The following RYR2 variants were observed in gnomAD, a reference collection of about 807,000 sequenced individuals.
RYR2 encodes cardiac muscle ryanodine receptor-calcium release channel.
In RYR2, 227 loss-of-function variants were observed where a neutral mutation model predicts 601.1. The observed-to-expected ratio is 0.38, with a 90% CI of 0.34 to 0.42. The LOEUF (loss-of-function observed/expected upper bound fraction) is 0.42. Ranked by LOEUF, RYR2 falls within the 10% of genes least tolerant of loss-of-function variation. The probability of loss-of-function intolerance (pLI) is 1.00; values close to 1 mark genes in which losing one functional copy is unlikely to be tolerated. For missense variants in RYR2, 4,646 were observed against 6,156.5 expected (o/e 0.75, Z 8.21); for synonymous variants, 2,223 against 2,175.1 (o/e 1.02, Z -0.61).
At chr1:237,410,268 T>C (rs546565676) in intron 10 of RYR2, among the ~76,000 whole-genome samples, 1 of 152,186 alleles carries the variant, frequency 6.6e-6, no homozygotes, top group East Asian at 1.9e-4. Flanking sequence ...ATAAGCCAAG[T>C]GCTCTGAAGC....
In RYR2 at chr1:237,792,349, CTGTGTGTGTGTGTGTGTG is replaced by C. The variant is rs34337859; in HGVS notation, c.13782+41_13782+58del. ...GTAAGATAGTAAGGCACCAAGGTAC[CTGTGTGTGTGTGTGTGTG>C]TGTGTGTGTGTGTGCGTGTGTGTGT... On this transcript the variant is annotated intron_variant, in intron 94 of 104. Transcript: ENST00000366574. 118 of 705,956 alleles carry C rather than the reference CTGTGTGTGTGTGTGTGTG, an allele frequency of 1.7e-4. No homozygotes were observed. In the African/African-American group the frequency reaches 1.7e-3, roughly 10 times the overall value. 43.7% of individuals were successfully genotyped at this position (705,956 alleles called of 1,614,324 possible).
At chr1:237,661,310 C>CAG (rs1271796786) in intron 56 of RYR2, among the ~76,000 whole-genome samples, 1 of 151,672 alleles carries the variant, frequency 6.6e-6, no homozygotes, top group Non-Finnish European at 1.5e-5. Flanking sequence ...AACACATGGA[C>CAG]AGAGGAAGGG....
At chr1:237,570,985 G>A (rs1306633233) in intron 29 of RYR2, among the ~76,000 whole-genome samples, 1 of 152,110 alleles carries the variant, frequency 6.6e-6, no homozygotes, top group African/African-American at 2.4e-5. Flanking sequence ...AAATTAGCCA[G>A]TTGTGGTGGC....
intron 40 of RYR2, among the ~76,000 whole-genome samples, chr1:237,626,580 C>CTTTTT (rs60885998): frequency 0.021 from 864 of 40,232 alleles, 72 homozygotes; most frequent in Middle Eastern, 0.071. Context: ...TTTTCTTTTT[C>CTTTTT]TTTTTTTTTT....
At chr1:237,689,405 A>G (rs1159596573) in intron 63 of RYR2, among the ~76,000 whole-genome samples, 2 of 152,172 alleles carry the variant, frequency 1.3e-5, no homozygotes, top group Non-Finnish European at 1.5e-5. Context: ...AATTATAACC[A>G]TCTCCAGAGG....
rs374856150 is a variant in RYR2 at position 237,581,990 on chromosome 1, T to C, written c.3599-7803T>C. On this transcript the variant is annotated intron_variant, in intron 29 of 104. Transcript: ENST00000366574. The stretch of plus-strand genomic sequence containing the variant: ...AAATAAAAACACAAATTAGAGATGA[T>C]CTCTTCTTGTCTAGTTCAGTTCTAA... Among the ~76,000 whole-genome samples, 4 of 152,342 alleles carry C rather than the reference T, an allele frequency of 2.6e-5. No individual in the cohort carries two copies. In the East Asian group the frequency reaches 7.7e-4, roughly 29 times the overall value.
intron 71 of RYR2, among the ~76,000 whole-genome samples, chr1:237,715,473 G>A (rs1689195438): frequency 6.6e-6 from 1 of 152,154 alleles, no homozygotes; most frequent in Non-Finnish European, 1.5e-5. Context: ...TATTGTTTGT[G>A]TATAAGTAGG....
At chr1:237,267,168 G>T (rs745599437) in intron 1 of RYR2, among the ~76,000 whole-genome samples, 1 of 152,246 alleles carries the variant, frequency 6.6e-6, no homozygotes, top group Non-Finnish European at 1.5e-5. Flanking sequence ...TTTAATATTT[G>T]ACTGTTAAAG....
rs116723501 is a variant in RYR2 at position 237,358,121 on chromosome 1, G to A, written c.294+2136G>A. 7.8e-4 allele frequency among the ~76,000 whole-genome samples: 119 copies of A among 152,138 alleles called. 1 individual carries two copies. Among genetic ancestry groups the A allele is most frequent in the Non-Finnish European group, 1.3e-3 (90 of 68,006 alleles). Reference sequence around the variant, plus strand: ...CAGGACTATTGAGACTCCTCTGTGGGGCTGGTACTTCTCTGCCCCTTGAGT... The same window carrying A: ...CAGGACTATTGAGACTCCTCTGTGGAGCTGGTACTTCTCTGCCCCTTGAGT... On this transcript the variant is annotated intron_variant, in intron 4 of 104. Coordinates refer to ENST00000366574, the MANE Select transcript of RYR2 (RefSeq NM_001035.3).
At chr1:237,291,802 G>A (rs1692226996) in intron 2 of RYR2, among the ~76,000 whole-genome samples, 1 of 152,160 alleles carries the variant, frequency 6.6e-6, no homozygotes, top group Admixed American at 6.6e-5. Flanking sequence ...GGTATATTTA[G>A]TACAGTGAAA....
intron 16 of RYR2, among the ~76,000 whole-genome samples, chr1:237,467,390 G>T (rs1314227357): frequency 2.0e-5 from 3 of 152,024 alleles, no homozygotes; most frequent in African/African-American, 7.3e-5. Flanking sequence ...TCTAAATTGG[G>T]AACAGATATT....
intron 1 of RYR2, among the ~76,000 whole-genome samples, chr1:237,110,070 A>G (rs1187466919): frequency 2.6e-5 from 4 of 151,906 alleles, no homozygotes; most frequent in African/African-American, 9.7e-5. Flanking sequence ...TCCTGGTATG[A>G]ATTTTCTTTG....
chr1:237,274,926 G>A (rs972414347), intron 2 of RYR2, among the ~76,000 whole-genome samples: 1 of 152,010 alleles, frequency 6.6e-6, no homozygotes, highest in East Asian at 1.9e-4. Context: ...ACATACCTAG[G>A]TGTATAGGAG....
At chr1:237,728,463 A>G (rs980374021) in intron 76 of RYR2, among the ~76,000 whole-genome samples, 5 of 152,148 alleles carry the variant, frequency 3.3e-5, no homozygotes, top group Non-Finnish European at 7.3e-5. Flanking sequence ...AAATCATTCT[A>G]CTATAAAGAC....
chr1:237,616,942 C>T (rs1256188037), intron 37 of RYR2, among the ~76,000 whole-genome samples: 2 of 152,116 alleles, frequency 1.3e-5, no homozygotes, highest in South Asian at 4.1e-4. Context: ...TTATTCACTA[C>T]CACGAGAACA....
intron 16 of RYR2, 72 bp downstream of exon 16, chr1:237,456,807 T>C (rs1658885781): frequency 6.7e-7 from 1 of 1,500,396 alleles, no homozygotes; most frequent in Admixed American, 1.8e-5. Flanking sequence ...CTAGGTGTGA[T>C]GGCTCATGCC....
At position 237,441,450 on chromosome 1, in the gene RYR2, G is replaced by T; in HGVS notation, c.1137G>T (p.Val379=). ...GGCTTACTTACCAGTCTGTGGACGT[G>T]AAATCCGTGAGAATGGGATCTATAC... is the stretch of plus-strand genomic sequence containing the variant. ...GLWLTYQSVD[V]KSVRMGSIQR... Residue 379 remains valine, a synonymous_variant, in exon 13 of 105, where the codon GTG becomes GTT. Transcript: ENST00000366574. 1 of 1,599,130 alleles carries T rather than the reference G, an allele frequency of 6.3e-7. No homozygotes were observed. Among genetic ancestry groups the T allele is most frequent in the Non-Finnish European group, 8.5e-7 (1 of 1,171,390 alleles).
chr1:237,509,576 C>T (rs769166620), intron 23 of RYR2, among the ~76,000 whole-genome samples: 6 of 152,138 alleles, frequency 3.9e-5, no homozygotes, highest in African/African-American at 9.7e-5. Context: ...ATCATTTATT[C>T]GTCCCTTTAA....
At chr1:237,058,149 T>C (rs1662399980) in intron 1 of RYR2, among the ~76,000 whole-genome samples, 1 of 152,174 alleles carries the variant, frequency 6.6e-6, no homozygotes, top group Admixed American at 6.5e-5. Context: ...AGGTAGGGCT[T>C]ATATAGGTAA....
Sources: allele counts gnomAD v4.1 joint callset (sites outside exome capture counted in the v4.1 genomes callset), GRCh38; gene constraint gnomAD v4.1.1; transcripts MANE v1.5; gene names NCBI Gene and HGNC (gene_info 2026-07-23, HGNC 2026-07-21).